OTOGL: variants seen among roughly 807,000 people sequenced by gnomAD.
OTOGL encodes the protein otogelin-like protein.
In OTOGL, 285 loss-of-function variants were observed where a neutral mutation model predicts 318.5. The observed-to-expected ratio is 0.89, with a 90% CI of 0.81 to 0.99. The LOEUF is 0.99. Among genes scored for constraint, OTOGL ranks in the 50% least tolerant of loss-of-function variants. The pLI, the probability that OTOGL is intolerant of heterozygous loss-of-function variation, is 0.00. For missense variants in OTOGL, 2,899 were observed against 2,845.6 expected (o/e 1.02, Z -0.43); for synonymous variants, 987 against 936.5 (o/e 1.05, Z -0.99).
intron 7 of OTOGL, among the ~76,000 whole-genome samples, chr12:80,223,397 C>T (rs1453615288): frequency 6.6e-6 from 1 of 151,908 alleles, no homozygotes; most frequent in Non-Finnish European, 1.5e-5. Context: ...CATGTGTATG[C>T]AGGTATCTTT....
chr12:80,222,298 T>C, intron 7 of OTOGL, 53 bp downstream of exon 7: 1 of 1,448,350 alleles, frequency 6.9e-7, no homozygotes, highest in Non-Finnish European at 9.3e-7. Flanking sequence ...TGGAAAAGTA[T>C]GTATTTTTAA....
chr12:80,226,368 C>G (rs1172894967), intron 7 of OTOGL, among the ~76,000 whole-genome samples: 1 of 151,952 alleles, frequency 6.6e-6, no homozygotes, highest in Non-Finnish European at 1.5e-5. Context: ...GTATATTTTT[C>G]TAGAGTAAAC....
intron 6 of OTOGL, among the ~76,000 whole-genome samples, chr12:80,221,251 A>G (rs1176369723): frequency 6.6e-6 from 1 of 150,846 alleles, no homozygotes; most frequent in Non-Finnish European, 1.5e-5. Flanking sequence ...GTCATGAATT[A>G]TTAAATTCCA....
At chr12:80,174,679 G>A (rs1874414228) in intron 1 of OTOGL, among the ~76,000 whole-genome samples, 2 of 152,152 alleles carry the variant, frequency 1.3e-5, no homozygotes, top group Admixed American at 1.3e-4. Context: ...TCTCCCAACA[G>A]TATTAGCTTA....
intron 11 of OTOGL, among the ~76,000 whole-genome samples, chr12:80,250,806 T>C (rs1029351635): frequency 3.3e-5 from 5 of 152,194 alleles, no homozygotes; most frequent in Non-Finnish European, 7.3e-5. Context: ...CTATTCAATT[T>C]TGAGTTTGGA....
intron 1 of OTOGL, among the ~76,000 whole-genome samples, chr12:80,151,459 C>A (rs984747780): frequency 2.0e-5 from 3 of 152,056 alleles, no homozygotes; most frequent in Non-Finnish European, 4.4e-5. Context: ...TACTTACAAG[C>A]TCATGGTCAA....
chr12:80,353,005 A>G (rs1211695024), intron 45 of OTOGL, among the ~76,000 whole-genome samples: 1 of 152,148 alleles, frequency 6.6e-6, no homozygotes, highest in Non-Finnish European at 1.5e-5. Flanking sequence ...ATAATAGTTG[A>G]TTGTATATTT....
chr12:80,100,745 T>C (rs1869089428), intron 1 of OTOGL, among the ~76,000 whole-genome samples: 2 of 152,280 alleles, frequency 1.3e-5, no homozygotes, highest in African/African-American at 4.8e-5. Context: ...AGAATGTTTA[T>C]GCAAAGGAAG....
intron 1 of OTOGL, among the ~76,000 whole-genome samples, chr12:80,172,085 C>T (rs1874238824): frequency 6.6e-6 from 1 of 151,804 alleles, no homozygotes. Context: ...TTTTCTAATC[C>T]AATCTCCCTT....
chr12:80,235,794 G>A (rs1339485965), intron 9 of OTOGL, among the ~76,000 whole-genome samples: 5 of 152,070 alleles, frequency 3.3e-5, no homozygotes, highest in Non-Finnish European at 4.4e-5. Context: ...AAAGACCTAA[G>A]GAAATATTTC....
At chr12:80,176,834 G>A (rs373088136) in intron 1 of OTOGL, among the ~76,000 whole-genome samples, 7 of 151,454 alleles carry the variant, frequency 4.6e-5, no homozygotes, top group African/African-American at 1.5e-4. Flanking sequence ...TTTTCCAAAG[G>A]GGTTGTACCA....
chr12:80,282,531 G>T lies in OTOGL; in HGVS notation c.2928+3365G>T, dbSNP rs545873185. On this transcript the variant is annotated intron_variant, in intron 26 of 58. Transcript: ENST00000547103. The stretch of plus-strand genomic sequence containing the variant: ...TAACGGATGGTAAGTTGCCTATAGG[G>T]TATTTTTTTTTTTGTCTTGTGTTGT... 3.3e-5 allele frequency among the ~76,000 whole-genome samples: 5 copies of T among 151,082 alleles called. 1 individual carries two copies. The Middle Eastern group carries it at 0.014, about 411-fold the overall frequency.
chr12:80,200,024 G>A (rs535896719), intron 1 of OTOGL, among the ~76,000 whole-genome samples: 3 of 152,212 alleles, frequency 2.0e-5, no homozygotes, highest in South Asian at 2.1e-4. Context: ...AAGCACATCA[G>A]GAAAAGGAGA....
intron 1 of OTOGL, among the ~76,000 whole-genome samples, chr12:80,120,843 T>C (rs1240409730): frequency 6.6e-6 from 1 of 152,162 alleles, no homozygotes; most frequent in East Asian, 1.9e-4. Flanking sequence ...CTATGGAGCA[T>C]AGTCCAGATC....
At position 80,212,002 on chromosome 12, in the gene OTOGL, G is replaced by A; in HGVS notation, c.168+5G>A. On this transcript the variant is annotated splice_donor_5th_base_variant and intron_variant, in intron 4 of 58. Transcript: ENST00000547103. Reference sequence around the variant, plus strand: ...AGAGCTCTTTTAGCAGCACAGGTAGGTTATGCTTCAGGTGGAGAGAGAGGC... The same window carrying A: ...AGAGCTCTTTTAGCAGCACAGGTAGATTATGCTTCAGGTGGAGAGAGAGGC... 3 of 1,572,194 alleles carry A rather than the reference G, an allele frequency of 1.9e-6. No homozygotes were observed. Among genetic ancestry groups the A allele is most frequent in the Non-Finnish European group, 2.6e-6 (3 of 1,164,642 alleles).
Position 80,262,054 on chromosome 12 carries a change from G to C in OTOGL, c.1975G>C (p.Val659Leu). 1 of 1,612,668 alleles carries C rather than the reference G, an allele frequency of 6.2e-7. No homozygotes were observed. Among genetic ancestry groups the C allele is most frequent in the Non-Finnish European group, 8.5e-7 (1 of 1,179,108 alleles). Residue 659 changes from valine (V) to leucine (L), a missense_variant, in exon 19 of 59, where the codon GTC becomes CTC. By Grantham distance (32) the Val-to-Leu change is conservative. Around this residue, in one of 3 missense-constraint regions of OTOGL, gnomAD observed 2,607 missense variants for 2,524.9 expected, o/e 1.03. Coordinates refer to ENST00000547103, the MANE Select transcript of OTOGL (RefSeq NM_001378609.3). ...TTCTACCTGTTTTGCACCTGTTCAT[G>C]TCCCAGTGGTGGACCCCTGTAACAT... ...VSSTCFAPVHVPVVDPCNINQ... is the reference protein window; with the variant it reads ...VSSTCFAPVHLPVVDPCNINQ...
intron 1 of OTOGL, 22 bp from the exon 2 acceptor site, chr12:80,209,391 C>A: frequency 7.6e-7 from 1 of 1,318,060 alleles, no homozygotes; most frequent in Non-Finnish European, 1.0e-6. Context: ...TAATAAAGAC[C>A]ATCAATTTGG....
rs1486272579 is a variant in OTOGL, at chr12:80,279,166, G to C, written c.2928G>C (p.Lys976Asn). ...GTGATTGCCAGGTGTTTTTGATAAA[G>C]GTAGGTCACAGTTACACATTTTTAT... ...YISDCQVFLI[K>N]SADDSDISVI... The change falls in exon 26 of 59, where the codon AAG becomes AAC. Residue 976 changes from lysine to asparagine, a missense_variant and splice_region_variant. By Grantham distance (94) the Lys-to-Asn change is moderately conservative. Coordinates refer to ENST00000547103, the MANE Select transcript of OTOGL (RefSeq NM_001378609.3). 6.3e-7 allele frequency: 1 copy of C among 1,585,922 alleles called. No individual in the cohort carries two copies. Among genetic ancestry groups the C allele is most frequent in the African/African-American group, 1.3e-5 (1 of 74,184 alleles).
At chr12:80,192,975 G>A (rs899701320) in intron 1 of OTOGL, among the ~76,000 whole-genome samples, 2 of 146,962 alleles carry the variant, frequency 1.4e-5, no homozygotes, top group Non-Finnish European at 3.0e-5. Context: ...CATAGTATGG[G>A]CTCATTGAAA....
Sources: allele counts gnomAD v4.1 joint callset (sites outside exome capture counted in the v4.1 genomes callset), GRCh38; gene constraint gnomAD v4.1.1; regional missense constraint gnomAD v4.1.1; transcripts MANE v1.5; gene names NCBI Gene and HGNC (gene_info 2026-07-23, HGNC 2026-07-21).